The following CORIN variants were observed in gnomAD, a reference collection of about 807,000 sequenced individuals.
The protein encoded by CORIN is corin, serine peptidase, also known as atrial natriuretic peptide-converting enzyme.
CORIN carries 117 observed loss-of-function variants against 125.3 expected under a neutral mutation model. The observed-to-expected ratio is 0.93, with a 90% CI of 0.80 to 1.09. CORIN has a LOEUF of 1.09. Ranked by LOEUF, CORIN falls within the 50% of genes least tolerant of loss-of-function variation. The probability of loss-of-function intolerance (pLI) is 0.00; values close to 1 mark genes in which losing one functional copy is unlikely to be tolerated. For missense variants in CORIN, 1,253 were observed against 1,306.7 expected (o/e 0.96, Z 0.63); for synonymous variants, 450 against 466.4 (o/e 0.96, Z 0.45).
intron 1 of CORIN, among the ~76,000 whole-genome samples, chr4:47,831,175 T>A (rs968227145): frequency 6.6e-6 from 1 of 152,246 alleles, no homozygotes; most frequent in Non-Finnish European, 1.5e-5. Context: ...ACCAGCCTGA[T>A]TAAGCATTGA....
intron 19 of CORIN, among the ~76,000 whole-genome samples, chr4:47,607,795 G>A (rs1189264500): frequency 1.3e-5 from 2 of 151,932 alleles, no homozygotes; most frequent in East Asian, 1.9e-4. Context: ...TCTAAAGTAC[G>A]AATTAACCGG....
intron 1 of CORIN, among the ~76,000 whole-genome samples, chr4:47,833,621 T>G (rs556583761): frequency 6.7e-6 from 1 of 149,848 alleles, no homozygotes; most frequent in East Asian, 2.0e-4. Context: ...GAAAAGGCAA[T>G]CTATAAAGTG....
intron 5 of CORIN, among the ~76,000 whole-genome samples, chr4:47,742,112 A>G (rs10004731): frequency 7.8e-4 from 118 of 152,004 alleles, no homozygotes; most frequent in Admixed American, 2.1e-3. Flanking sequence ...CATAATATGA[A>G]AAAATAATAC....
intron 1 of CORIN, among the ~76,000 whole-genome samples, chr4:47,818,631 G>T (rs1001703190): frequency 6.6e-6 from 1 of 152,116 alleles, no homozygotes; most frequent in African/African-American, 2.4e-5. Context: ...AGCACTTTGG[G>T]AGGCCAAGGA....
intron 1 of CORIN, chr4:47,837,292 T>TGGGGGCCGGGGAACCAAGCG (rs1733485323): frequency 6.3e-6 from 1 of 159,040 alleles, no homozygotes; most frequent in Non-Finnish European, 1.4e-5. Context: ...AGGCACCAAC[T>TGGGGGCCGGGGAACCAAGCG]GGGGGCCGGG....
At chr4:47,779,988 T>C (rs1730467770) in intron 3 of CORIN, among the ~76,000 whole-genome samples, 1 of 152,190 alleles carries the variant, frequency 6.6e-6, no homozygotes, top group Admixed American at 6.5e-5. Context: ...GACTATGTAG[T>C]TCACTGAGGG....
chr4:47,819,585 A>G (rs1409651903), intron 1 of CORIN, among the ~76,000 whole-genome samples: 2 of 152,180 alleles, frequency 1.3e-5, no homozygotes, highest in Non-Finnish European at 2.9e-5. Flanking sequence ...AGAAGCAGCG[A>G]GAGACATGAA....
At chr4:47,695,155 A>G (rs1434326405) in intron 5 of CORIN, among the ~76,000 whole-genome samples, 2 of 152,152 alleles carry the variant, frequency 1.3e-5, no homozygotes, top group Non-Finnish European at 2.9e-5. Flanking sequence ...AACGATTCAT[A>G]GAAAACCAGA....
intron 13 of CORIN, among the ~76,000 whole-genome samples, chr4:47,647,028 T>C (rs1723522194): frequency 6.6e-6 from 1 of 152,200 alleles, no homozygotes; most frequent in African/African-American, 2.4e-5. Context: ...AGGAAATAAA[T>C]AGTGAGAGTC....
intron 11 of CORIN, among the ~76,000 whole-genome samples, chr4:47,664,178 A>G (rs897610364): frequency 1.1e-4 from 16 of 152,194 alleles, no homozygotes; most frequent in Non-Finnish European, 2.2e-4. Flanking sequence ...CTCACTTCTG[A>G]GAGTCATCCT....
chr4:47,785,692 T>A (rs1487713709), intron 3 of CORIN, among the ~76,000 whole-genome samples: 2 of 151,782 alleles, frequency 1.3e-5, no homozygotes, highest in Non-Finnish European at 2.9e-5. Context: ...GGCGGGTGGA[T>A]CATGAGGTTA....
At chr4:47,726,921 T>A (rs540252803) in intron 5 of CORIN, among the ~76,000 whole-genome samples, 1 of 152,102 alleles carries the variant, frequency 6.6e-6, no homozygotes, top group South Asian at 2.1e-4. Context: ...TTAATTGAAA[T>A]TAACCAATAT....
rs75121917 is a variant in CORIN at position 47,756,054 on chromosome 4, G to C, written c.617+7325C>G. On this transcript the variant is annotated intron_variant, in intron 4 of 21. Coordinates refer to ENST00000273857, the MANE Select transcript of CORIN (RefSeq NM_006587.4). ...CCACTGTGGAGCTTGTAAAGTAAGA[G>C]AGGCAATAAACAGACAGGCAAAAGG... Among the ~76,000 whole-genome samples, 744 of 152,284 alleles carry C rather than the reference G, an allele frequency of 4.9e-3. 2 individuals are homozygous for C. Among genetic ancestry groups the C allele is most frequent in the African/African-American group, 0.017 (695 of 41,562 alleles).
chr4:47,825,526 C>T (rs371892862), intron 1 of CORIN, among the ~76,000 whole-genome samples: 1 of 152,132 alleles, frequency 6.6e-6, no homozygotes, highest in African/African-American at 2.4e-5. Flanking sequence ...CTGGCCTAAT[C>T]ACACATTCGC....
intron 4 of CORIN, among the ~76,000 whole-genome samples, chr4:47,752,658 A>G (rs543904082): frequency 6.6e-6 from 1 of 152,362 alleles, no homozygotes; most frequent in African/African-American, 2.4e-5. Flanking sequence ...TGCCAATAGC[A>G]GTGTGTCCCT....
chr4:47,621,753 G>GT lies in CORIN; in HGVS notation c.2540+1817dup, dbSNP rs541917622. On this transcript the variant is annotated intron_variant, in intron 19 of 21. Transcript: ENST00000273857. The stretch of plus-strand genomic sequence containing the variant: ...TTATTCTATATGTTTCTGTGAAGGT[G>GT]TTTTTTTTTATGAGATTAATATTTA... 5.2e-3 allele frequency among the ~76,000 whole-genome samples: 771 copies of GT among 149,280 alleles called. 6 individuals are homozygous for GT. Among genetic ancestry groups the GT allele is most frequent in the Middle Eastern group, 7.1e-3 (2 of 282 alleles).
At chr4:47,615,054 G>A (rs12233857) in intron 19 of CORIN, among the ~76,000 whole-genome samples, 19,641 of 152,134 alleles carry the variant, frequency 0.13, 1,694 homozygotes, top group East Asian at 0.47. Flanking sequence ...TGAAAAGGAA[G>A]TAGTTTTATG....
intron 5 of CORIN, among the ~76,000 whole-genome samples, chr4:47,725,081 A>G (rs781102749): frequency 2.0e-5 from 3 of 152,214 alleles, no homozygotes; most frequent in Admixed American, 6.5e-5. Flanking sequence ...AAATACGTGC[A>G]AGACCTATAT....
chr4:47,624,047 C>T (rs1316132943), intron 17 of CORIN, 99 bp from the exon 18 acceptor site: 2 of 961,190 alleles, frequency 2.1e-6, no homozygotes, highest in Non-Finnish European at 3.3e-6. Flanking sequence ...CCAACTGTTA[C>T]CACCAGAAAT....
Sources: gnomAD v4.1 joint callset for allele counts (sites outside exome capture counted in the v4.1 genomes callset) on GRCh38, gnomAD v4.1.1 for gene constraint, MANE v1.5 for transcripts, NCBI Gene and HGNC (gene_info 2026-07-23, HGNC 2026-07-21) for gene names.